Variants in AHRR observed in about 807,000 individuals in gnomAD.
AHRR encodes ahR repressor.
Under a neutral mutation model 44.0 loss-of-function variants are expected in AHRR, and 28 were observed. The ratio of observed to expected loss-of-function variants is 0.64; its 90% CI spans 0.47 to 0.87. The LOEUF (loss-of-function observed/expected upper bound fraction) is 0.87, where lower values mean the gene tolerates loss of function less well. Among genes scored for constraint, AHRR ranks in the 40% least tolerant of loss-of-function variants. The pLI is 0.00. For missense variants in AHRR, 990 were observed against 953.9 expected, an observed-to-expected ratio of 1.04 and a Z score of -0.50; for synonymous variants, 434 against 407.0, an observed-to-expected ratio of 1.07 and a Z score of -0.80.
At chr5:414,858 G>A (rs537770906) in intron 5 of AHRR, among the ~76,000 whole-genome samples, 3 of 152,346 alleles carry the variant, frequency 2.0e-5, no homozygotes, top group South Asian at 2.1e-4. Flanking sequence ...GACTTATGAC[G>A]GGTTTAGTGT....
chr5:336,536 A>G (rs1458468160), intron 1 of AHRR, among the ~76,000 whole-genome samples: 1 of 152,210 alleles, frequency 6.6e-6, no homozygotes, highest in Non-Finnish European at 1.5e-5. Flanking sequence ...TCTATGCTGG[A>G]CACTAGACCC....
intron 4 of AHRR, among the ~76,000 whole-genome samples, chr5:409,597 G>A (rs1209511922): frequency 3.9e-5 from 6 of 152,082 alleles, no homozygotes; most frequent in African/African-American, 1.4e-4. Flanking sequence ...TATGATGGGC[G>A]TTACTCTATC....
Position 342,635 on chromosome 5 carries a change from C to G in AHRR, c.-10-1258C>G, listed in dbSNP as rs1307276252. Among the ~76,000 whole-genome samples, 1 of 152,202 alleles carries G rather than the reference C, an allele frequency of 6.6e-6. No individual in the cohort carries two copies. Among genetic ancestry groups the G allele is most frequent in the East Asian group, 1.9e-4 (1 of 5,198 alleles). ...GCGTGAGTCTGCCTCCTCTTCCAGG[C>G]TACACTCACTTCAGGTCAGGTGAGG... On this transcript the variant is annotated intron_variant, in intron 1 of 10. Coordinates refer to ENST00000684583, the MANE Select transcript of AHRR (RefSeq NM_001377236.1). The surrounding 1 kb of genome is among the most constrained non-coding windows in gnomAD (Gnocchi z 4.3).
chr5:337,207 C>A lies in AHRR; in HGVS notation c.-10-6686C>A, dbSNP rs1166675891. Among the ~76,000 whole-genome samples the A allele has an allele frequency of 2.6e-5, 4 of 152,004 alleles. No individual in the cohort carries two copies. The highest frequency in any genetic ancestry group is 9.7e-5 in the African/African-American group (4 of 41,350). On this transcript the variant is annotated intron_variant, in intron 1 of 10. Coordinates refer to ENST00000684583, the MANE Select transcript of AHRR (RefSeq NM_001377236.1). The surrounding 1 kb of genome is among the most constrained non-coding windows in gnomAD (Gnocchi z 4.1). Reference sequence around the variant, plus strand: ...TAATCAACTATCAATATTGGCTGATCCAGTTTCATTTAAAGTCCAGCCTGC... The same window carrying A: ...TAATCAACTATCAATATTGGCTGATACAGTTTCATTTAAAGTCCAGCCTGC...
intron 4 of AHRR, among the ~76,000 whole-genome samples, chr5:398,242 C>T (rs1734846047): frequency 6.6e-6 from 1 of 151,434 alleles, no homozygotes; most frequent in South Asian, 2.1e-4. Flanking sequence ...CATGTTAGCC[C>T]CTGACCATCC....
At chr5:374,741 C>T (rs1743718734) in intron 3 of AHRR, among the ~76,000 whole-genome samples, 1 of 152,234 alleles carries the variant, frequency 6.6e-6, no homozygotes, top group Non-Finnish European at 1.5e-5. Flanking sequence ...CACTCGGGCC[C>T]TCGCCCCCCA....
intron 1 of AHRR, among the ~76,000 whole-genome samples, chr5:340,694 T>TA (rs1742313388): frequency 1.2e-4 from 4 of 32,202 alleles, no homozygotes; most frequent in African/African-American, 4.4e-4. Context: ...ATATATTTTT[T>TA]TTTTTTTTTT....
Position 423,822 on chromosome 5 carries a change from T to C in AHRR, c.572-19T>C. 6.3e-7 allele frequency: 1 copy of C among 1,582,584 alleles called. No homozygotes were observed. The highest frequency in any genetic ancestry group is 1.1e-5 in the South Asian group (1 of 89,992). On this transcript the variant is annotated intron_variant, in intron 6 of 10. Coordinates refer to ENST00000684583, the MANE Select transcript of AHRR (RefSeq NM_001377236.1). Reference sequence around the variant, plus strand: ...TGGCTTCTCCCACCGCCACGCCCCTTGGCCCCTATGGTCTGCAGGAGATGA... The same window carrying C: ...TGGCTTCTCCCACCGCCACGCCCCTCGGCCCCTATGGTCTGCAGGAGATGA...
At position 387,308 on chromosome 5, in the gene AHRR, G is replaced by A. The variant is rs1258463272; in HGVS notation, c.351+10592G>A. Among the ~76,000 whole-genome samples the A allele has an allele frequency of 1.3e-5, 2 of 152,184 alleles. No individual in the cohort carries two copies. Among genetic ancestry groups the A allele is most frequent in the East Asian group, 1.9e-4 (1 of 5,202 alleles). On this transcript the variant is annotated intron_variant, in intron 4 of 10. Transcript: ENST00000684583. The surrounding 1 kb of genome is among the most constrained non-coding windows in gnomAD (Gnocchi z 5.1). ...CTCCTGGTCTTCTGATGAGAAAGAC[G>A]ATGTTTCTCTTGGGGTCATAGCTGC...
intron 1 of AHRR, among the ~76,000 whole-genome samples, chr5:330,985 T>C (rs2126327794): frequency 6.6e-6 from 1 of 151,326 alleles, no homozygotes; most frequent in East Asian, 2.0e-4. Context: ...CATGCCGTTC[T>C]CCTGCCTCAG....
At position 365,132 on chromosome 5, in the gene AHRR, A is replaced by G. The variant is rs563649101; in HGVS notation, c.244+11221A>G. ...AGGTTATAGAACATTTGAACAATGC[A>G]AAGAAAAAAAAAAGGTTAATTTAGT... On this transcript the variant is annotated intron_variant, in intron 3 of 10. Coordinates refer to ENST00000684583, the MANE Select transcript of AHRR (RefSeq NM_001377236.1). Among the ~76,000 whole-genome samples, 122 of 152,192 alleles carry G rather than the reference A, an allele frequency of 8.0e-4. 1 individual carries two copies. The highest frequency in any genetic ancestry group is 2.8e-3 in the African/African-American group (117 of 41,556).
rs1242100379 is a variant in AHRR, at chr5:415,266, A to G, written c.441+1833A>G. On this transcript the variant is annotated intron_variant, in intron 5 of 10. Coordinates refer to ENST00000684583, the MANE Select transcript of AHRR (RefSeq NM_001377236.1). Reference sequence around the variant, plus strand: ...AGAGCCAGCATTCACGCTGAGCCAGAGGCAGCACACGGTGATTAAAGCAAA... The same window carrying G: ...AGAGCCAGCATTCACGCTGAGCCAGGGGCAGCACACGGTGATTAAAGCAAA... Among the ~76,000 whole-genome samples, 4 of 152,352 alleles carry G rather than the reference A, an allele frequency of 2.6e-5. No homozygotes were observed. In the East Asian group the frequency reaches 7.7e-4, roughly 29 times the overall value.
intron 1 of AHRR, among the ~76,000 whole-genome samples, chr5:340,283 T>G (rs192000970): frequency 7.6e-4 from 116 of 152,250 alleles, no homozygotes; most frequent in East Asian, 1.9e-4. Context: ...GTTGAATTTT[T>G]GGGATAGTAT....
chr5:405,881 C>A lies in AHRR; in HGVS notation c.352-7463C>A, dbSNP rs1028626571. Among the ~76,000 whole-genome samples, 5 of 152,208 alleles carry A rather than the reference C, an allele frequency of 3.3e-5. No homozygotes were observed. Among genetic ancestry groups the A allele is most frequent in the African/African-American group, 1.2e-4 (5 of 41,456 alleles). On this transcript the variant is annotated intron_variant, in intron 4 of 10. Coordinates refer to ENST00000684583, the MANE Select transcript of AHRR (RefSeq NM_001377236.1). The surrounding 1 kb of genome is among the most constrained non-coding windows in gnomAD (Gnocchi z 4.5). ...GCCTAGCAAGGCTCTCGGTCTGAGG[C>A]TGCGTCCTTCTGGTGTGGCTTTCCT...
chr5:361,264 C>T (rs76153622), intron 3 of AHRR, among the ~76,000 whole-genome samples: 162 of 152,254 alleles, frequency 1.1e-3, no homozygotes, highest in African/African-American at 3.9e-3. Context: ...GTGTTCTGGA[C>T]GGACTTGCAC....
intron 4 of AHRR, among the ~76,000 whole-genome samples, chr5:393,692 C>T (rs1734575331): frequency 6.6e-6 from 1 of 152,024 alleles, no homozygotes; most frequent in Non-Finnish European, 1.5e-5. Flanking sequence ...GGCTGGAGTG[C>T]AGTGGTACGA....
chr5:376,559 T>TGAATGAATGAGAACGGTGGGGTGAACGC, intron 3 of AHRR, 51 bp from the exon 4 acceptor site: 1 of 241,104 alleles, frequency 4.1e-6, no homozygotes, highest in Non-Finnish European at 7.4e-6. Context: ...TGAAGAAGAG[T>TGAATGAATGAGAACGGTGGGGTGAACGC]GGCCAGGCCA....
chr5:433,535 C>T (rs2126551787), intron 10 of AHRR, among the ~76,000 whole-genome samples: 1 of 152,332 alleles, frequency 6.6e-6, no homozygotes, highest in Non-Finnish European at 1.5e-5. Context: ...CTTCCCCACC[C>T]CTAACGCTAG....
At chr5:329,229 A>T (rs1408405433) in intron 1 of AHRR, among the ~76,000 whole-genome samples, 1 of 151,040 alleles carries the variant, frequency 6.6e-6, no homozygotes, top group Admixed American at 6.6e-5. Flanking sequence ...TCGAGATGGG[A>T]TCTTGCTTTG....
Sources: allele counts gnomAD v4.1 joint callset (sites outside exome capture counted in the v4.1 genomes callset), GRCh38; gene constraint gnomAD v4.1.1; non-coding constraint Gnocchi (gnomAD v3.1); transcripts MANE v1.5; gene names NCBI Gene and HGNC (gene_info 2026-07-23, HGNC 2026-07-21).